The following PCDHGB6 variants were observed in gnomAD, a reference collection of about 807,000 sequenced individuals.
The protein encoded by PCDHGB6 is protocadherin gamma-B6.
In PCDHGB6, 51 loss-of-function variants were observed where a neutral mutation model predicts 59.1. The observed-to-expected ratio is 0.86, with a 90% CI of 0.69 to 1.09. PCDHGB6 has a LOEUF of 1.09. Among genes scored for constraint, PCDHGB6 ranks in the 50% least tolerant of loss-of-function variants. The pLI, the probability that PCDHGB6 is intolerant of heterozygous loss-of-function variation, is 0.00. For synonymous variants in PCDHGB6, 466 were observed against 495.1 expected (o/e 0.94, Z 0.78); for missense variants, 1,148 against 1,205.1 (o/e 0.95, Z 0.70).
chr5:141,491,705 G>A lies in PCDHGB6; in HGVS notation c.2419-3102G>A. ...ACGCTGCGGGAGCGGAGCCAGGTGA[G>A]GGGCTCGGCGCCGCCCCGGGCGACC... is the stretch of plus-strand genomic sequence containing the variant. On this transcript the variant is annotated intron_variant, in intron 1 of 3. Transcript: ENST00000520790. The surrounding 1 kb of genome is among the most constrained non-coding windows in gnomAD (Gnocchi z 6.9). 1 of 1,611,064 alleles carries A rather than the reference G, an allele frequency of 6.2e-7. No homozygotes were observed. Among genetic ancestry groups the A allele is most frequent in the South Asian group, 1.1e-5 (1 of 90,828 alleles).
At position 141,477,855 on chromosome 5, in the gene PCDHGB6, T is replaced by C; in HGVS notation, c.2419-16952T>C. The C allele has an allele frequency of 1.2e-6, 2 of 1,613,698 alleles. No individual in the cohort carries two copies. The highest frequency in any genetic ancestry group is 1.7e-6 in the Non-Finnish European group (2 of 1,179,882). On this transcript the variant is annotated intron_variant, in intron 1 of 3. Coordinates refer to ENST00000520790, the MANE Select transcript of PCDHGB6 (RefSeq NM_018926.3). The surrounding 1 kb of genome is among the most constrained non-coding windows in gnomAD (Gnocchi z 4.9). ...CCAGGTGGGAGCTCGGTGGAGATGC[T>C]GCCTCGAGGTACCTCAGCTGGCCAC...
At chr5:141,428,082 G>C (rs776612130) in intron 1 of PCDHGB6, 2 of 1,609,030 alleles carry the variant, frequency 1.2e-6, no homozygotes, top group Non-Finnish European at 8.5e-7. Flanking sequence ...GGGACACAAC[G>C]CTTGGCTGTC....
intron 1 of PCDHGB6, among the ~76,000 whole-genome samples, chr5:141,472,357 C>T (rs1020143523): frequency 2.4e-4 from 37 of 152,012 alleles, no homozygotes; most frequent in Non-Finnish European, 1.5e-4. Context: ...CTGGCTAACA[C>T]GGTGAAACCC....
chr5:141,422,670 C>T, intron 1 of PCDHGB6: 1 of 1,607,244 alleles, frequency 6.2e-7, no homozygotes, highest in Non-Finnish European at 8.5e-7. Flanking sequence ...TCGACCCGGA[C>T]AGCAAACAGA....
chr5:141,426,817 C>G (rs942714141), intron 1 of PCDHGB6: 4 of 456,594 alleles, frequency 8.8e-6, no homozygotes, highest in Non-Finnish European at 1.8e-5. Flanking sequence ...GAACATTTCT[C>G]TCTGATGATG....
At chr5:141,413,316 T>G (rs769316460) in intron 1 of PCDHGB6, 1 of 1,613,976 alleles carries the variant, frequency 6.2e-7, no homozygotes, top group South Asian at 1.1e-5. Context: ...AGAAAGGCTC[T>G]TTCGTGGGCA....
rs536313993 is a variant in PCDHGB6, at chr5:141,436,142, T to G, written c.2418+25522T>G. Among the ~76,000 whole-genome samples, 46 of 152,334 alleles carry G rather than the reference T, an allele frequency of 3.0e-4. No homozygotes were observed. The South Asian group carries it at 3.1e-3, about 10-fold the overall frequency. ...CTCTCCTCCATCATCTTGTATGAAC[T>G]ACCAAAATGTTTATCATATGGACAG... On this transcript the variant is annotated intron_variant, in intron 1 of 3. Coordinates refer to ENST00000520790, the MANE Select transcript of PCDHGB6 (RefSeq NM_018926.3).
At chr5:141,478,804 G>C (rs765938054) in intron 1 of PCDHGB6, 48 of 1,462,396 alleles carry the variant, frequency 3.3e-5, no homozygotes, top group Non-Finnish European at 4.1e-5. Context: ...GCACTCTTTT[G>C]CTATCACAAC....
intron 1 of PCDHGB6, chr5:141,420,546 G>T: frequency 3.5e-6 from 1 of 284,254 alleles, no homozygotes; most frequent in Admixed American, 5.0e-5. Flanking sequence ...ATAAAATACA[G>T]GTATATTTTT....
At position 141,436,288 on chromosome 5, in the gene PCDHGB6, C is replaced by T. The variant is rs533281663; in HGVS notation, c.2418+25668C>T. On this transcript the variant is annotated intron_variant, in intron 1 of 3. Coordinates refer to ENST00000520790, the MANE Select transcript of PCDHGB6 (RefSeq NM_018926.3). ...CACCTAACTTGATTTAGGAACAAATCATTGAGAGTTAGAGCATGAATAGTC... is the reference window on the plus strand; with the variant it reads ...CACCTAACTTGATTTAGGAACAAATTATTGAGAGTTAGAGCATGAATAGTC... 3.9e-3 allele frequency among the ~76,000 whole-genome samples: 590 copies of T among 152,274 alleles called. 9 individuals are homozygous for T. Among genetic ancestry groups the T allele is most frequent in the Middle Eastern group, 0.01 (3 of 294 alleles).
intron 1 of PCDHGB6, among the ~76,000 whole-genome samples, chr5:141,473,661 G>T (rs935648567): frequency 2.6e-5 from 4 of 152,172 alleles, no homozygotes; most frequent in Non-Finnish European, 4.4e-5. Context: ...TTGTGTGAAG[G>T]CCCTGAGACA....
chr5:141,419,325 ACT>A (rs1329600066), intron 1 of PCDHGB6: 33 of 1,613,586 alleles, frequency 2.0e-5, no homozygotes, highest in Non-Finnish European at 2.6e-5. Flanking sequence ...CGTGTCTCCT[ACT>A]CTCTCATTGC....
At chr5:141,425,379 G>A (rs1330938768) in intron 1 of PCDHGB6, among the ~76,000 whole-genome samples, 7 of 152,152 alleles carry the variant, frequency 4.6e-5, no homozygotes, top group African/African-American at 4.8e-5. Context: ...ATGTTGATTC[G>A]GAGGTAGTGA....
intron 1 of PCDHGB6, chr5:141,428,009 A>G (rs778602169): frequency 3.7e-6 from 6 of 1,602,358 alleles, no homozygotes; most frequent in African/African-American, 2.7e-5. Context: ...TCTTCGATAT[A>G]GTGCCACGCG....
At chr5:141,419,407 G>A (rs1426208057) in intron 1 of PCDHGB6, 20 of 1,613,396 alleles carry the variant, frequency 1.2e-5, no homozygotes, top group Non-Finnish European at 1.4e-5. Flanking sequence ...TGGTGTTCGC[G>A]CAGCGCGCCT....
In PCDHGB6 at chr5:141,432,038, C is replaced by T. The variant is rs202246871; in HGVS notation, c.2418+21418C>T. ...CAACATCACAGTGACCGCCACTGAC[C>T]GGGGAACCCCGCCCCTATCCACGGA... On this transcript the variant is annotated intron_variant, in intron 1 of 3. Coordinates refer to ENST00000520790, the MANE Select transcript of PCDHGB6 (RefSeq NM_018926.3). The surrounding 1 kb of genome is among the most constrained non-coding windows in gnomAD (Gnocchi z 6.0). 15 of 1,614,190 alleles carry T rather than the reference C, an allele frequency of 9.3e-6. No individual in the cohort carries two copies. The African/African-American group carries it at 1.5e-4, about 16-fold the overall frequency.
intron 1 of PCDHGB6, among the ~76,000 whole-genome samples, chr5:141,437,364 T>C (rs1026384836): frequency 6.6e-6 from 1 of 152,232 alleles, no homozygotes; most frequent in African/African-American, 2.4e-5. Flanking sequence ...AAAATTGGAA[T>C]GTAATCAGTC....
At position 141,486,141 on chromosome 5, in the gene PCDHGB6, G is replaced by A. The variant is rs369317501; in HGVS notation, c.2419-8666G>A. 28 of 1,614,066 alleles carry A rather than the reference G, an allele frequency of 1.7e-5. No homozygotes were observed. The highest frequency in any genetic ancestry group is 2.3e-5 in the Non-Finnish European group (27 of 1,180,044). On this transcript the variant is annotated intron_variant, in intron 1 of 3. Transcript: ENST00000520790. This position sits in a 1 kb window ranked among gnomAD's most constrained non-coding sequence, Gnocchi z 5.0. ...TACTATGAATTTGATGTGCGGGCTC[G>A]CGATGGGGGTTCTCCAGCCATGGAG...
intron 1 of PCDHGB6, chr5:141,418,947 G>T (rs534744990): frequency 6.2e-7 from 1 of 1,614,022 alleles, no homozygotes; most frequent in African/African-American, 1.3e-5. Context: ...TCCCCTCCAG[G>T]AGTGGTTGTT....
Sources: allele counts gnomAD v4.1 joint callset (sites outside exome capture counted in the v4.1 genomes callset), GRCh38; gene constraint gnomAD v4.1.1; non-coding constraint Gnocchi (gnomAD v3.1); transcripts MANE v1.5; gene names NCBI Gene and HGNC (gene_info 2026-07-23, HGNC 2026-07-21).